SGCZ: variants seen among roughly 807,000 people sequenced by gnomAD.
SGCZ encodes zeta-sarcoglycan.
SGCZ carries 40 observed loss-of-function variants against 41.3 expected under a neutral mutation model. The observed-to-expected ratio is 0.97, with a 90% CI of 0.75 to 1.26. The LOEUF (loss-of-function observed/expected upper bound fraction) is 1.26, where lower values mean the gene tolerates loss of function less well. Ranked by LOEUF, SGCZ falls within the 50% of genes most tolerant of loss-of-function variation. SGCZ has a pLI of 0.00. For missense variants in SGCZ, 552 were observed against 369.8 expected, an observed-to-expected ratio of 1.49 and a Z score of -4.04; for synonymous variants, 206 against 137.5, an observed-to-expected ratio of 1.50 and a Z score of -3.49.
intron 2 of SGCZ, among the ~76,000 whole-genome samples, chr8:14,533,199 G>A (rs1803190362): frequency 1.3e-5 from 2 of 150,640 alleles, no homozygotes; most frequent in South Asian, 4.2e-4. Flanking sequence ...CTGTATCCAA[G>A]TGTTCTCATT....
intron 2 of SGCZ, among the ~76,000 whole-genome samples, chr8:14,475,495 A>C (rs189924945): frequency 6.6e-6 from 1 of 152,316 alleles, no homozygotes; most frequent in African/African-American, 2.4e-5. Flanking sequence ...TTAAAGCAAA[A>C]GAGAACCCAT....
At chr8:14,108,578 T>G (rs1314589526) in intron 5 of SGCZ, among the ~76,000 whole-genome samples, 2 of 151,928 alleles carry the variant, frequency 1.3e-5, no homozygotes, top group East Asian at 3.9e-4. Flanking sequence ...TTCACGACCG[T>G]GAGAACATTA....
intron 1 of SGCZ, among the ~76,000 whole-genome samples, chr8:14,881,759 C>G (rs924253322): frequency 6.6e-6 from 1 of 152,166 alleles, no homozygotes; most frequent in Non-Finnish European, 1.5e-5. Flanking sequence ...ATTCTCCATC[C>G]AAAAATAACA....
intron 1 of SGCZ, among the ~76,000 whole-genome samples, chr8:15,112,469 G>C (rs1246657514): frequency 1.3e-5 from 2 of 152,216 alleles, no homozygotes; most frequent in South Asian, 2.1e-4. Context: ...TTAGTTTGCA[G>C]TGGTTTAAAA....
intron 1 of SGCZ, among the ~76,000 whole-genome samples, chr8:14,683,714 T>C (rs1808518279): frequency 6.6e-6 from 1 of 152,110 alleles, no homozygotes; most frequent in Admixed American, 6.5e-5. Flanking sequence ...TCACTTAATT[T>C]TTGGTTTGTT....
chr8:14,155,032 A>C (rs1461160226), intron 5 of SGCZ, among the ~76,000 whole-genome samples: 1 of 152,208 alleles, frequency 6.6e-6, no homozygotes, highest in Non-Finnish European at 1.5e-5. Context: ...ACTGATTTAC[A>C]GCCACTCTGT....
chr8:14,816,198 C>T lies in SGCZ; in HGVS notation c.40-261272G>A, dbSNP rs534809188. ...CTTTCATCATCTCTCAATGCAGTCTCGACATATTTCAGATATTCACTACAC... is the reference window on the plus strand; with the variant it reads ...CTTTCATCATCTCTCAATGCAGTCTTGACATATTTCAGATATTCACTACAC... On this transcript the variant is annotated intron_variant, in intron 1 of 7. Coordinates refer to ENST00000382080, the MANE Select transcript of SGCZ (RefSeq NM_139167.4). 5.9e-5 allele frequency among the ~76,000 whole-genome samples: 9 copies of T among 152,302 alleles called. No homozygotes were observed. In the East Asian group the frequency reaches 1.4e-3, roughly 23 times the overall value.
At chr8:15,175,965 T>G (rs1799988011) in intron 1 of SGCZ, among the ~76,000 whole-genome samples, 3 of 152,184 alleles carry the variant, frequency 2.0e-5, no homozygotes, top group Non-Finnish European at 2.9e-5. Flanking sequence ...GTTTGCAGCT[T>G]TCAGACAGCA....
chr8:14,209,786 G>C (rs538273474), intron 4 of SGCZ, among the ~76,000 whole-genome samples: 1 of 151,952 alleles, frequency 6.6e-6, no homozygotes, highest in Non-Finnish European at 1.5e-5. Flanking sequence ...TCAAAGTTAC[G>C]TTGGTATTTA....
chr8:15,172,225 G>A (rs7832275), intron 1 of SGCZ, among the ~76,000 whole-genome samples: 48,490 of 136,028 alleles, frequency 0.36, 9,208 homozygotes, highest in East Asian at 0.62. Context: ...GCAGTGGCGC[G>A]ATCTCGACTC....
chr8:14,568,706 T>A (rs1341459622), intron 1 of SGCZ, among the ~76,000 whole-genome samples: 1 of 152,080 alleles, frequency 6.6e-6, no homozygotes, highest in South Asian at 2.1e-4. Context: ...TTCCTAGAGG[T>A]TTTATTGTTG....
chr8:15,112,690 A>T (rs1421509729), intron 1 of SGCZ, among the ~76,000 whole-genome samples: 1 of 152,180 alleles, frequency 6.6e-6, no homozygotes, highest in African/African-American at 2.4e-5. Context: ...CTGGAGAAGA[A>T]ATAAGGTTCC....
At chr8:14,215,294 A>C (rs1450295076) in intron 4 of SGCZ, among the ~76,000 whole-genome samples, 3 of 152,204 alleles carry the variant, frequency 2.0e-5, no homozygotes, top group African/African-American at 7.2e-5. Flanking sequence ...AAGTTAAATA[A>C]ATACATACAT....
intron 5 of SGCZ, among the ~76,000 whole-genome samples, chr8:14,160,800 TATC>T (rs1305152693): frequency 6.6e-6 from 1 of 152,112 alleles, no homozygotes; most frequent in African/African-American, 2.4e-5. Flanking sequence ...TGAACGTAAA[TATC>T]ATGAGCTACG....
chr8:14,541,301 T>G (rs1803459480), intron 2 of SGCZ, among the ~76,000 whole-genome samples: 1 of 151,846 alleles, frequency 6.6e-6, no homozygotes, highest in Non-Finnish European at 1.5e-5. Flanking sequence ...TCCCTCCCCT[T>G]TACCCCCACG....
intron 1 of SGCZ, among the ~76,000 whole-genome samples, chr8:15,150,560 A>G (rs1032560456): frequency 6.6e-6 from 1 of 152,206 alleles, no homozygotes; most frequent in African/African-American, 2.4e-5. Context: ...GTTAATGAGT[A>G]TATAAAGCAA....
At chr8:14,217,796 A>C (rs1220964872) in intron 4 of SGCZ, among the ~76,000 whole-genome samples, 1 of 151,592 alleles carries the variant, frequency 6.6e-6, no homozygotes, top group East Asian at 1.9e-4. Flanking sequence ...CGCCCAGCTA[A>C]TTTTTTGTAT....
At chr8:14,997,702 A>G (rs1585453138) in intron 1 of SGCZ, among the ~76,000 whole-genome samples, 1 of 152,160 alleles carries the variant, frequency 6.6e-6, no homozygotes, top group African/African-American at 2.4e-5. Context: ...GCTCACACCC[A>G]TAATCCCAGC....
At chr8:14,923,511 G>A (rs531817110) in intron 1 of SGCZ, among the ~76,000 whole-genome samples, 25 of 152,152 alleles carry the variant, frequency 1.6e-4, no homozygotes, top group African/African-American at 2.9e-4. Flanking sequence ...ACACAGTTAC[G>A]AAATGTACGA....
Sources: gnomAD v4.1 joint callset for allele counts (sites outside exome capture counted in the v4.1 genomes callset) on GRCh38, gnomAD v4.1.1 for gene constraint, MANE v1.5 for transcripts, NCBI Gene and HGNC (gene_info 2026-07-23, HGNC 2026-07-21) for gene names.